GRAMD1A: variants seen among roughly 807,000 people sequenced by gnomAD.
GRAMD1A encodes the protein protein Aster-A.
GRAMD1A carries 50 observed loss-of-function variants against 92.0 expected under a neutral mutation model. That is an observed-to-expected ratio of 0.54 (90% CI 0.43 to 0.69). The LOEUF is 0.69. GRAMD1A is among the 30% of genes least tolerant of loss of function. The pLI, the probability that GRAMD1A is intolerant of heterozygous loss-of-function variation, is 0.00. For missense variants in GRAMD1A, 819 were observed against 978.9 expected, an observed-to-expected ratio of 0.84 and a Z score of 2.18; for synonymous variants, 405 against 403.6, an observed-to-expected ratio of 1.00 and a Z score of -0.04.
At chr19:35,016,523 G>A (rs1052052750) in intron 11 of GRAMD1A, among the ~76,000 whole-genome samples, 20 of 148,256 alleles carry the variant, frequency 1.3e-4, no homozygotes, top group African/African-American at 4.5e-4. Flanking sequence ...CTTGAACCTC[G>A]GAGGCGGAGG....
At chr19:35,000,280 A>C, upstream of GRAMD1A, 5 of 1,024,012 alleles carry the variant, frequency 4.9e-6, no homozygotes, top group South Asian at 4.6e-5. The surrounding 1 kb of genome is among the most constrained non-coding windows in gnomAD (Gnocchi z 4.9). Flanking sequence ...GGGGGAAGGA[A>C]GGGGGTGTCG....
chr19:35,008,405 A>G (rs186598738), intron 1 of GRAMD1A, among the ~76,000 whole-genome samples: 138 of 152,146 alleles, frequency 9.1e-4, no homozygotes, highest in African/African-American at 2.9e-3. Flanking sequence ...ATTACTTTAC[A>G]TGGGCTGGGC....
At chr19:35,014,459 T>C in intron 10 of GRAMD1A, 72 bp downstream of exon 10, 1 of 1,331,714 alleles carries the variant, frequency 7.5e-7, no homozygotes, top group Non-Finnish European at 1.1e-6. Flanking sequence ...CAAGAGGGGA[T>C]GGATTCGCCC....
At position 35,026,337 on chromosome 19, in the gene GRAMD1A, G is replaced by A; in HGVS notation, c.*196G>A. The A allele has an allele frequency of 1.7e-6, 1 of 588,424 alleles. No individual in the cohort carries two copies. Among genetic ancestry groups the A allele is most frequent in the Non-Finnish European group, 3.0e-6 (1 of 328,838 alleles). The allele number at this position is 588,424 out of a possible 1,614,324, so 36.5% of individuals were successfully genotyped here. ...AGGGAGCTGGCCCGGCCTCTGGCAG[G>A]CCCCCCACTAACTTATTTTGCCCGG... On this transcript the variant is annotated 3_prime_UTR_variant, in exon 20 of 20. Transcript: ENST00000317991.
At chr19:35,006,529 G>A (rs1036333143) in intron 1 of GRAMD1A, among the ~76,000 whole-genome samples, 1 of 152,108 alleles carries the variant, frequency 6.6e-6, no homozygotes, top group Non-Finnish European at 1.5e-5. Context: ...AGTTCCCAAC[G>A]CCATCCCCAC....
At position 35,000,767 on chromosome 19, in the gene GRAMD1A, C is replaced by T. The variant is rs1007882403; in HGVS notation, c.8+281C>T. 5.8e-4 allele frequency among the ~76,000 whole-genome samples: 89 copies of T among 152,194 alleles called. No individual in the cohort carries two copies. The highest frequency in any genetic ancestry group is 1.1e-3 in the Non-Finnish European group (76 of 67,966). ...GGGTTGCGGGGTTTGGCTGGGGGCC[C>T]GCGGGTTCATCTGGCGGGGAGGGCC... On this transcript the variant is annotated intron_variant, in intron 1 of 19. Coordinates refer to ENST00000317991, the MANE Select transcript of GRAMD1A (RefSeq NM_020895.5). The surrounding 1 kb of genome is among the most constrained non-coding windows in gnomAD (Gnocchi z 4.9).
intron 1 of GRAMD1A, among the ~76,000 whole-genome samples, chr19:35,003,143 CGTGTGTGTGT>C (rs60437273): frequency 0.027 from 3,847 of 141,162 alleles, 69 homozygotes; most frequent in African/African-American, 0.054. Context: ...TTGCTCTGTG[CGTGTGTGTGT>C]GTGTGTGTGT....
Position 35,019,469 on chromosome 19 carries a change from G to A in GRAMD1A, c.1411G>A (p.Asp471Asn). The A allele has an allele frequency of 6.2e-7, 1 of 1,613,988 alleles. No homozygotes were observed. The highest frequency in any genetic ancestry group is 8.5e-7 in the Non-Finnish European group (1 of 1,179,928). ...EVLTQGIPYQ[D>N]YFYTAHRYCI... ...GCTGACGCAGGGCATCCCCTACCAGGACTACTTCTACACTGCCCACCGCTA... is the reference window on the plus strand; with the variant it reads ...GCTGACGCAGGGCATCCCCTACCAGAACTACTTCTACACTGCCCACCGCTA... The change falls in exon 13 of 20, where the codon GAC (aspartate) becomes AAC (asparagine). Residue 471 changes from aspartate to asparagine, a missense_variant. Transcript: ENST00000317991.
At position 35,022,050 on chromosome 19, in the gene GRAMD1A, A is replaced by G; in HGVS notation, c.1841+12A>G. ...CTCATCAGCATTGTGTGAGTAAGAGACAGGAGCAGTGGCCACACAGGCCTG... is the reference window on the plus strand; with the variant it reads ...CTCATCAGCATTGTGTGAGTAAGAGGCAGGAGCAGTGGCCACACAGGCCTG... On this transcript the variant is annotated intron_variant, in intron 16 of 19. Transcript: ENST00000317991. 1 of 1,601,888 alleles carries G rather than the reference A, an allele frequency of 6.2e-7. No individual in the cohort carries two copies. Among genetic ancestry groups the G allele is most frequent in the Non-Finnish European group, 8.5e-7 (1 of 1,169,900 alleles).
Position 35,013,653 on chromosome 19 carries a change from C to T in GRAMD1A, c.832C>T (p.Pro278Ser), listed in dbSNP as rs781114140. 1.2e-6 allele frequency: 2 copies of T among 1,612,968 alleles called. No homozygotes were observed. The highest frequency in any genetic ancestry group is 1.1e-5 in the South Asian group (1 of 90,978). ...PVGSRRGHVT[P>S]NLSRASSDAD... The stretch of plus-strand genomic sequence containing the variant: ...GGGTTCGCGCCGTGGCCATGTCACG[C>T]CCAACCTTTCCCGAGCCAGCAGCGA... Residue 278 changes from proline (P) to serine (S), a missense_variant, in exon 9 of 20, where the codon CCC (proline) becomes TCC (serine). Physicochemically the swap from Pro to Ser is moderately conservative, Grantham distance 74. Transcript: ENST00000317991. The surrounding 1 kb of genome is among the most constrained non-coding windows in gnomAD (Gnocchi z 4.9).
Position 35,014,372 on chromosome 19 carries a change from T to C in GRAMD1A, c.1054T>C (p.Ser352Pro). ...GACAGACACAAGTAACTCCTCTTCATCCACTGGGGAGGAAGGTGAGGCAGG... is the reference window on the plus strand; with the variant it reads ...GACAGACACAAGTAACTCCTCTTCACCCACTGGGGAGGAAGGTGAGGCAGG... Reference protein sequence around the residue: ...LLTDTSNSSSSTGEEADLAAL... With the variant: ...LLTDTSNSSSPTGEEADLAAL... Residue 352 changes from serine (S) to proline (P), a missense_variant, in exon 10 of 20, where the codon TCC (serine) becomes CCC (proline). Physicochemically the swap from Ser to Pro is moderately conservative, Grantham distance 74 (BLOSUM62 -1). Around this residue, in one of 3 missense-constraint regions of GRAMD1A, gnomAD observed 577 missense variants for 674.6 expected, o/e 0.86. Transcript: ENST00000317991. 6.2e-7 allele frequency: 1 copy of C among 1,613,688 alleles called. No individual in the cohort carries two copies. The highest frequency in any genetic ancestry group is 1.3e-5 in the African/African-American group (1 of 75,014).
intron 19 of GRAMD1A, 58 bp from the exon 20 acceptor site, chr19:35,025,991 G>T: frequency 1.1e-6 from 1 of 871,156 alleles, no homozygotes; most frequent in South Asian, 1.3e-5. Context: ...GGGGGTGGGC[G>T]ACATCACCCC....
Position 35,000,495 on chromosome 19 carries a change from C to T in GRAMD1A, c.8+9C>T. On this transcript the variant is annotated intron_variant, in intron 1 of 19. Transcript: ENST00000317991. This position sits in a 1 kb window ranked among gnomAD's most constrained non-coding sequence, Gnocchi z 4.9. ...GCCGCATCCATGTTCGAGTAAGGAC[C>T]GGGCGACTAGAGCTCAGGGACCGGG... The T allele has an allele frequency of 7.8e-7, 1 of 1,277,692 alleles. No homozygotes were observed. The highest frequency in any genetic ancestry group is 1.6e-5 in the African/African-American group (1 of 64,346). The allele number at this position is 1,277,692 out of a possible 1,614,324, so 79.1% of individuals were successfully genotyped here.
exon 1 of GRAMD1A, chr19:34,994,808 G>A (rs1161964424): frequency 6.6e-6 from 1 of 152,344 alleles, no homozygotes. Flanking sequence ...TGTGGACAGA[G>A]GAGGAGGACC....
chr19:34,998,726 G>A (rs2014147905), upstream of GRAMD1A: 1 of 151,930 alleles, frequency 6.6e-6, no homozygotes, highest in Non-Finnish European at 1.5e-5. Context: ...TCTTCCATTG[G>A]CCGGTGGGAG....
rs1221783669 is a variant in GRAMD1A at position 35,011,367 on chromosome 19, T to C, written c.526-107T>C. 23 of 836,530 alleles carry C rather than the reference T, an allele frequency of 2.7e-5. 1 individual carries two copies. In the Admixed American group the frequency reaches 3.3e-4, roughly 12 times the overall value. 51.8% of individuals were successfully genotyped at this position (836,530 alleles called of 1,614,324 possible). The stretch of plus-strand genomic sequence containing the variant: ...ATGCAGGGGTGAATTAGTGGATTCA[T>C]GGGGCCAAAGATGTGGCGTCAGCGC... On this transcript the variant is annotated intron_variant, in intron 6 of 19. Transcript: ENST00000317991.
chr19:35,009,126 C>T lies in GRAMD1A; in HGVS notation c.16C>T (p.Pro6Ser). 6.2e-7 allele frequency: 1 copy of T among 1,611,290 alleles called. No homozygotes were observed. Among genetic ancestry groups the T allele is most frequent in the Non-Finnish European group, 8.5e-7 (1 of 1,177,516 alleles). The change falls in exon 2 of 20, where the codon CCC becomes TCC. Residue 6 changes from proline (P) to serine (S), a missense_variant. Physicochemically the swap from Pro to Ser is moderately conservative, Grantham distance 74. This residue lies in a region of GRAMD1A where 98 missense variants were observed against 84.0 expected (regional missense o/e 1.17). Transcript: ENST00000317991. MFDTT[P>S]HSGRSTPSSS... Reference sequence around the variant, plus strand: ...TCCTCTTCCTGCCCCCAGCACCACACCCCACTCTGGCCGGAGCACGCCAAG... The same window carrying T: ...TCCTCTTCCTGCCCCCAGCACCACATCCCACTCTGGCCGGAGCACGCCAAG...
chr19:35,000,283 G>C, upstream of GRAMD1A: 8 of 1,032,532 alleles, frequency 7.7e-6, no homozygotes, highest in Non-Finnish European at 9.3e-6. This position sits in a 1 kb window ranked among gnomAD's most constrained non-coding sequence, Gnocchi z 4.9. Context: ...GGAAGGAAGG[G>C]GGTGTCGCTG....
chr19:35,016,025 A>C (rs766931127), intron 11 of GRAMD1A, 58 bp downstream of exon 11: 19 of 1,575,186 alleles, frequency 1.2e-5, no homozygotes, highest in Non-Finnish European at 1.6e-5. Context: ...AGGGGTGAGG[A>C]AGGGTAGCCC....
Sources: allele counts gnomAD v4.1 joint callset (sites outside exome capture counted in the v4.1 genomes callset), GRCh38; gene constraint gnomAD v4.1.1; regional missense constraint gnomAD v4.1.1; non-coding constraint Gnocchi (gnomAD v3.1); transcripts MANE v1.5; gene names NCBI Gene and HGNC (gene_info 2026-07-23, HGNC 2026-07-21).